SLC4A8: variants seen among roughly 807,000 people sequenced by gnomAD.
SLC4A8 encodes the protein electroneutral sodium bicarbonate exchanger 1.
In SLC4A8, 40 loss-of-function variants were observed where a neutral mutation model predicts 125.0. The ratio of observed to expected loss-of-function variants is 0.32; its 90% CI spans 0.25 to 0.42. The LOEUF is 0.42. Among genes scored for constraint, SLC4A8 ranks in the 10% least tolerant of loss-of-function variants. SLC4A8 has a pLI of 1.00. For synonymous variants in SLC4A8, 456 were observed against 476.0 expected, an observed-to-expected ratio of 0.96 and a Z score of 0.55; for missense variants, 863 against 1,355.1, an observed-to-expected ratio of 0.64 and a Z score of 5.70.
intron 1 of SLC4A8, among the ~76,000 whole-genome samples, chr12:51,435,530 GGAGGATC>G (rs995418672): frequency 6.6e-6 from 1 of 152,144 alleles, no homozygotes; most frequent in Non-Finnish European, 1.5e-5. Context: ...GGCTGAGGAG[GGAGGATC>G]ACTTGAGCTT....
intron 17 of SLC4A8, among the ~76,000 whole-genome samples, chr12:51,486,477 A>G (rs890421441): frequency 1.3e-5 from 2 of 152,172 alleles, no homozygotes; most frequent in Non-Finnish European, 2.9e-5. Flanking sequence ...AACTCTCTCT[A>G]ATATATGGTA....
intron 1 of SLC4A8, among the ~76,000 whole-genome samples, chr12:51,399,365 C>T (rs1948327046): frequency 6.6e-6 from 1 of 152,222 alleles, no homozygotes; most frequent in African/African-American, 2.4e-5. Flanking sequence ...TTTTCCTCCC[C>T]AAAGGCAGCC....
At chr12:51,496,350 G>T (rs989964896) in intron 21 of SLC4A8, among the ~76,000 whole-genome samples, 6 of 152,190 alleles carry the variant, frequency 3.9e-5, no homozygotes, top group African/African-American at 1.4e-4. Flanking sequence ...TGGCCCTCAT[G>T]GAAAGAAAGT....
Position 51,400,726 on chromosome 12 carries a change from TTATATATATATA to T in SLC4A8, c.-112+9279_-112+9290del, listed in dbSNP as rs869058430. ...TTGAGAGGAGTGTGAATGAACTCCT[TTATATATATATA>T]TATATATATATATATATATATATAT... On this transcript the variant is annotated intron_variant, in intron 1 of 24. Transcript: ENST00000358657. Among the ~76,000 whole-genome samples the T allele has an allele frequency of 2.0e-3, 85 of 41,876 alleles. 1 individual carries two copies. The highest frequency in any genetic ancestry group is 6.6e-3 in the African/African-American group (55 of 8,292). The allele number at this position is 41,876 out of a possible 152,430, so 27.5% of individuals were successfully genotyped here.
At position 51,475,299 on chromosome 12, in the gene SLC4A8, C is replaced by G; in HGVS notation, c.2172+93C>G. 3 of 1,281,092 alleles carry G rather than the reference C, an allele frequency of 2.3e-6. No individual in the cohort carries two copies. In the South Asian group the frequency reaches 4.0e-5, roughly 17 times the overall value. The allele number at this position is 1,281,092 out of a possible 1,614,324, so 79.4% of individuals were successfully genotyped here. On this transcript the variant is annotated intron_variant, in intron 16 of 24. Coordinates refer to ENST00000453097, the MANE Select transcript of SLC4A8 (RefSeq NM_001039960.3). ...CATGCTGCTTATGGGGTTGATTGGC[C>G]AGGTGGAGAACTCCGGATGTCCTGA...
At chr12:51,394,993 C>T (rs1948230276) in intron 1 of SLC4A8, among the ~76,000 whole-genome samples, 1 of 151,420 alleles carries the variant, frequency 6.6e-6, no homozygotes, top group Admixed American at 6.6e-5. Context: ...TGCAATGCTA[C>T]ATTCTAGTCT....
At chr12:51,393,229 T>G (rs1006002175) in intron 1 of SLC4A8, among the ~76,000 whole-genome samples, 1 of 152,082 alleles carries the variant, frequency 6.6e-6, no homozygotes, top group Non-Finnish European at 1.5e-5. Context: ...GTTCTCCTGC[T>G]TCAGCCTCCA....
At chr12:51,463,777 G>A in intron 11 of SLC4A8, 63 bp downstream of exon 11, 1 of 1,128,788 alleles carries the variant, frequency 8.9e-7, no homozygotes, top group African/African-American at 1.5e-5. Context: ...AAAGGAATGA[G>A]GCATCTTCTT....
chr12:51,448,655 C>T (rs1949865462), intron 2 of SLC4A8, among the ~76,000 whole-genome samples: 1 of 152,036 alleles, frequency 6.6e-6, no homozygotes, highest in South Asian at 2.1e-4. Flanking sequence ...CTCAGGGAGC[C>T]CAGAGCACCC....
chr12:51,496,821 G>C (rs943253713), intron 21 of SLC4A8, among the ~76,000 whole-genome samples, 166 bp from the exon 22 acceptor site: 2 of 152,184 alleles, frequency 1.3e-5, no homozygotes, highest in Non-Finnish European at 2.9e-5. Context: ...TGTAACACAT[G>C]TTACCTGGCA....
intron 1 of SLC4A8, among the ~76,000 whole-genome samples, chr12:51,401,079 G>C (rs894070927): frequency 1.3e-4 from 20 of 151,606 alleles, no homozygotes; most frequent in African/African-American, 4.8e-4. Context: ...CAGATCCCAC[G>C]GCAGCGTCTA....
At chr12:51,457,212 A>G in intron 5 of SLC4A8, 139 bp from the exon 6 acceptor site, 1 of 532,998 alleles carries the variant, frequency 1.9e-6, no homozygotes, top group East Asian at 3.0e-5. Context: ...TTCAGACAGG[A>G]AGCTGAAATT....
chr12:51,427,505 T>C (rs1035265667), intron 1 of SLC4A8, among the ~76,000 whole-genome samples: 2 of 152,036 alleles, frequency 1.3e-5, no homozygotes, highest in Non-Finnish European at 2.9e-5. Context: ...ATGGGAACAG[T>C]AGGACCTCAT....
At chr12:51,496,178 A>G (rs531579680) in intron 21 of SLC4A8, among the ~76,000 whole-genome samples, 16 of 152,236 alleles carry the variant, frequency 1.1e-4, no homozygotes, top group Non-Finnish European at 2.1e-4. Context: ...AAGGGATCCT[A>G]TCAATTCCAG....
At chr12:51,480,670 C>A in intron 16 of SLC4A8, 1 of 979,452 alleles carries the variant, frequency 1.0e-6, no homozygotes, top group Non-Finnish European at 1.2e-6. Context: ...ATCAGAAATC[C>A]AATTTGGCTC....
At chr12:51,470,106 A>G (rs368619019) in intron 12 of SLC4A8, among the ~76,000 whole-genome samples, 8 of 152,274 alleles carry the variant, frequency 5.3e-5, no homozygotes, top group African/African-American at 1.7e-4. Flanking sequence ...TTGTAGTGTG[A>G]ATGGTATCAC....
At chr12:51,468,757 CT>C (rs1950601401) in intron 11 of SLC4A8, among the ~76,000 whole-genome samples, 1 of 152,154 alleles carries the variant, frequency 6.6e-6, no homozygotes, top group East Asian at 1.9e-4. Context: ...GAGACTCCGT[CT>C]CAAAAAAATA....
At chr12:51,494,898 G>C (rs369739720) in intron 20 of SLC4A8, 47 bp from the exon 21 acceptor site, 19 of 1,559,524 alleles carry the variant, frequency 1.2e-5, no homozygotes, top group Admixed American at 1.7e-5. Context: ...CAAAGCTTCT[G>C]ACCCAGAATG....
intron 10 of SLC4A8, among the ~76,000 whole-genome samples, chr12:51,463,121 A>G (rs1039943995): frequency 2.0e-5 from 3 of 152,198 alleles, no homozygotes; most frequent in African/African-American, 7.2e-5. Context: ...CTGACATATT[A>G]GAGATGGGAA....
Sources: gnomAD v4.1 joint callset for allele counts (sites outside exome capture counted in the v4.1 genomes callset) on GRCh38, gnomAD v4.1.1 for gene constraint, MANE v1.5 for transcripts, NCBI Gene and HGNC (gene_info 2026-07-23, HGNC 2026-07-21) for gene names.